FSTL5: variants seen among roughly 807,000 people sequenced by gnomAD.
FSTL5 encodes the protein follistatin like 5.
In FSTL5, 62 loss-of-function variants were observed where a neutral mutation model predicts 89.1. That is an observed-to-expected ratio of 0.70 (90% CI 0.57 to 0.86). The LOEUF (loss-of-function observed/expected upper bound fraction) is 0.86, where lower values mean the gene tolerates loss of function less well. Among genes scored for constraint, FSTL5 ranks in the 40% least tolerant of loss-of-function variants. FSTL5 has a pLI of 0.00. For synonymous variants in FSTL5, 383 were observed against 346.2 expected, an observed-to-expected ratio of 1.11 and a Z score of -1.18; for missense variants, 1,057 against 1,001.6, an observed-to-expected ratio of 1.06 and a Z score of -0.75.
intron 6 of FSTL5, among the ~76,000 whole-genome samples, chr4:161,679,036 G>T (rs906658425): frequency 3.3e-5 from 5 of 151,742 alleles, no homozygotes; most frequent in African/African-American, 9.6e-5. Flanking sequence ...GAACACTTTA[G>T]TAAATACTGT....
At chr4:161,564,052 T>G (rs928140188) in intron 8 of FSTL5, among the ~76,000 whole-genome samples, 2 of 151,876 alleles carry the variant, frequency 1.3e-5, no homozygotes, top group Middle Eastern at 3.2e-3. Flanking sequence ...TGAAATTTAT[T>G]GTCTAGACAT....
At position 161,804,448 on chromosome 4, in the gene FSTL5, A is replaced by C. The variant is rs77464462; in HGVS notation, c.410-28374T>G. Among the ~76,000 whole-genome samples the C allele has an allele frequency of 9.9e-3, 1,504 of 152,058 alleles. 23 individuals carry two copies. Among genetic ancestry groups the C allele is most frequent in the East Asian group, 0.03 (156 of 5,166 alleles). The stretch of plus-strand genomic sequence containing the variant: ...CAATTCCATTTTACTTTCAAATTCC[A>C]GTTAAACACTGATGTTCCTTGAAAA... On this transcript the variant is annotated intron_variant, in intron 4 of 15. Coordinates refer to ENST00000306100, the MANE Select transcript of FSTL5 (RefSeq NM_020116.5).
chr4:161,877,296 C>T (rs185456980), intron 4 of FSTL5, among the ~76,000 whole-genome samples: 17 of 149,960 alleles, frequency 1.1e-4, no homozygotes, highest in African/African-American at 4.1e-4. Context: ...CTTATAAATA[C>T]TATGATAATA....
intron 4 of FSTL5, among the ~76,000 whole-genome samples, chr4:161,798,373 A>G (rs1363350156): frequency 6.6e-6 from 1 of 151,624 alleles, no homozygotes; most frequent in African/African-American, 2.4e-5. Context: ...CAAACACTTG[A>G]CTTAATATGG....
intron 4 of FSTL5, among the ~76,000 whole-genome samples, chr4:161,861,309 C>T (rs1224104371): frequency 6.6e-6 from 1 of 152,112 alleles, no homozygotes; most frequent in South Asian, 2.1e-4. Context: ...GCAATCGCAG[C>T]TGCTTGGGAG....
chr4:161,415,821 GATATATATATAT>G (rs60018441), intron 15 of FSTL5, among the ~76,000 whole-genome samples: 38 of 139,778 alleles, frequency 2.7e-4, no homozygotes, highest in African/African-American at 9.0e-4. Flanking sequence ...ACATATAGGG[GATATATATATAT>G]ATATATATAT....
chr4:161,431,661 A>T (rs538495634), intron 15 of FSTL5, among the ~76,000 whole-genome samples: 9 of 152,224 alleles, frequency 5.9e-5, no homozygotes, highest in African/African-American at 2.2e-4. Flanking sequence ...CAATCAAAAG[A>T]CATAGAATGG....
chr4:162,007,130 A>G (rs936362317), intron 3 of FSTL5, among the ~76,000 whole-genome samples: 2 of 151,906 alleles, frequency 1.3e-5, no homozygotes, highest in Non-Finnish European at 2.9e-5. Context: ...AAGTTGTTAT[A>G]AAGAAAATTT....
intron 2 of FSTL5, among the ~76,000 whole-genome samples, chr4:162,091,599 A>C (rs1730551773): frequency 6.6e-6 from 1 of 152,056 alleles, no homozygotes. Flanking sequence ...TTCTATTCTT[A>C]TTACTTATTG....
intron 2 of FSTL5, among the ~76,000 whole-genome samples, chr4:162,090,943 C>A (rs940103197): frequency 6.6e-6 from 1 of 152,068 alleles, no homozygotes; most frequent in Non-Finnish European, 1.5e-5. Context: ...AAGTTGTACT[C>A]TTGTTTACAG....
chr4:161,693,785 C>T (rs1032349365), intron 6 of FSTL5, among the ~76,000 whole-genome samples: 3 of 151,622 alleles, frequency 2.0e-5, no homozygotes, highest in Non-Finnish European at 4.4e-5. Flanking sequence ...ACTACAGGTG[C>T]CAGCCACCAC....
intron 7 of FSTL5, among the ~76,000 whole-genome samples, chr4:161,587,791 A>G (rs1380152412): frequency 6.6e-6 from 1 of 152,208 alleles, no homozygotes; most frequent in Non-Finnish European, 1.5e-5. Flanking sequence ...ACTCATAAAT[A>G]TAGCTTTTTA....
intron 6 of FSTL5, among the ~76,000 whole-genome samples, chr4:161,699,756 C>T (rs902317118): frequency 3.3e-5 from 5 of 152,036 alleles, no homozygotes; most frequent in Admixed American, 6.6e-5. Context: ...GGTGTTACCA[C>T]GTATTTTTTT....
Position 161,856,566 on chromosome 4 carries a change from G to T in FSTL5, c.409+63838C>A, listed in dbSNP as rs534459044. ...GATACAAAAGTGAAAAAAGCCAAATGCCTGTCTCTCTTTATAGAATTTATA... is the reference window on the plus strand; with the variant it reads ...GATACAAAAGTGAAAAAAGCCAAATTCCTGTCTCTCTTTATAGAATTTATA... On this transcript the variant is annotated intron_variant, in intron 4 of 15. Coordinates refer to ENST00000306100, the MANE Select transcript of FSTL5 (RefSeq NM_020116.5). Among the ~76,000 whole-genome samples, 301 of 151,762 alleles carry T rather than the reference G, an allele frequency of 2.0e-3. 3 individuals are homozygous for T. Among genetic ancestry groups the T allele is most frequent in the Middle Eastern group, 0.01 (3 of 292 alleles).
At chr4:161,521,327 T>A (rs72685715) in intron 10 of FSTL5, among the ~76,000 whole-genome samples, 2 of 148,090 alleles carry the variant, frequency 1.4e-5, no homozygotes, top group Non-Finnish European at 3.0e-5. Flanking sequence ...ATCCACAGTG[T>A]TTTTTTTTTC....
At chr4:161,834,195 C>A (rs1322760101) in intron 4 of FSTL5, among the ~76,000 whole-genome samples, 1 of 152,056 alleles carries the variant, frequency 6.6e-6, no homozygotes, top group East Asian at 1.9e-4. Context: ...GAACCAAAGA[C>A]AAAAACCACA....
chr4:162,095,859 T>G (rs1344051407), intron 2 of FSTL5, among the ~76,000 whole-genome samples: 1 of 151,974 alleles, frequency 6.6e-6, no homozygotes, highest in Admixed American at 6.6e-5. Flanking sequence ...AATACACACG[T>G]TACATGTGTA....
intron 10 of FSTL5, among the ~76,000 whole-genome samples, chr4:161,531,254 C>T (rs559865930): frequency 6.6e-6 from 1 of 152,286 alleles, no homozygotes; most frequent in East Asian, 1.9e-4. Flanking sequence ...AAGCAAAACA[C>T]AAACTCCTTA....
At chr4:161,728,921 T>C (rs1177431407) in intron 6 of FSTL5, among the ~76,000 whole-genome samples, 1 of 152,178 alleles carries the variant, frequency 6.6e-6, no homozygotes, top group Non-Finnish European at 1.5e-5. Flanking sequence ...TTGCCACTGC[T>C]ACAACTTATT....
Sources: allele counts gnomAD v4.1 joint callset (sites outside exome capture counted in the v4.1 genomes callset), GRCh38; gene constraint gnomAD v4.1.1; transcripts MANE v1.5; gene names NCBI Gene and HGNC (gene_info 2026-07-23, HGNC 2026-07-21).